The following KCNH1 variants were observed in gnomAD, a reference collection of about 807,000 sequenced individuals.
KCNH1 encodes the protein voltage-gated delayed rectifier potassium channel KCNH1.
Under a neutral mutation model 69.2 loss-of-function variants are expected in KCNH1, and 27 were observed. The observed-to-expected ratio is 0.39, with a 90% confidence interval of 0.29 to 0.54. The LOEUF is 0.54. Among genes scored for constraint, KCNH1 ranks in the 20% least tolerant of loss-of-function variants. The probability of loss-of-function intolerance (pLI) is 0.68; values close to 1 mark genes in which losing one functional copy is unlikely to be tolerated. For missense variants in KCNH1, 798 were observed against 1,261.6 expected (o/e 0.63, Z 5.57); for synonymous variants, 456 against 487.7 (o/e 0.93, Z 0.86).
chr1:211,032,176 A>T (rs1261094759), intron 5 of KCNH1, among the ~76,000 whole-genome samples: 1 of 152,220 alleles, frequency 6.6e-6, no homozygotes, highest in Non-Finnish European at 1.5e-5. Context: ...TTCAAAGAGA[A>T]TAAAATACCT....
intron 7 of KCNH1, among the ~76,000 whole-genome samples, chr1:210,827,206 G>T (rs1309698243): frequency 2.0e-5 from 3 of 152,084 alleles, no homozygotes; most frequent in South Asian, 2.1e-4. Flanking sequence ...CGTGGTGGCG[G>T]GTGCCTGTAA....
intron 7 of KCNH1, among the ~76,000 whole-genome samples, chr1:210,815,971 T>G (rs1005736174): frequency 6.6e-6 from 1 of 152,218 alleles, no homozygotes; most frequent in Non-Finnish European, 1.5e-5. Context: ...AGGCGGGACA[T>G]CTGTGCTTCT....
At chr1:211,004,279 G>T (rs1332828653) in intron 6 of KCNH1, among the ~76,000 whole-genome samples, 1 of 152,148 alleles carries the variant, frequency 6.6e-6, no homozygotes, top group Non-Finnish European at 1.5e-5. Context: ...TTACCAGATG[G>T]AAGGTAGAAG....
chr1:211,028,492 G>A (rs1558574037), intron 5 of KCNH1, among the ~76,000 whole-genome samples: 1 of 151,584 alleles, frequency 6.6e-6, no homozygotes, highest in Non-Finnish European at 1.5e-5. Flanking sequence ...GAAAACAAGA[G>A]GAAATCAGTG....
intron 6 of KCNH1, among the ~76,000 whole-genome samples, chr1:211,001,489 G>T (rs1353410559): frequency 1.3e-5 from 2 of 152,132 alleles, no homozygotes; most frequent in African/African-American, 2.4e-5. Context: ...AGTTAGAATG[G>T]CGATCATTAA....
chr1:211,090,423 G>T, intron 4 of KCNH1, 139 bp downstream of exon 4: 1 of 696,072 alleles, frequency 1.4e-6, no homozygotes, highest in Non-Finnish European at 2.3e-6. Flanking sequence ...ATAACACAGT[G>T]CTTTGCTCTA....
intron 6 of KCNH1, among the ~76,000 whole-genome samples, chr1:210,984,466 G>A (rs1363975573): frequency 6.6e-6 from 1 of 152,194 alleles, no homozygotes; most frequent in Non-Finnish European, 1.5e-5. Context: ...CTAATTTATT[G>A]AGAGATTTTA....
intron 6 of KCNH1, among the ~76,000 whole-genome samples, chr1:210,978,195 C>T (rs1688649340): frequency 6.6e-6 from 1 of 152,002 alleles, no homozygotes; most frequent in African/African-American, 2.4e-5. Flanking sequence ...CCCACCACCA[C>T]ACCTGGCTAA....
At position 210,776,785 on chromosome 1, in the gene KCNH1, G is replaced by T. The variant is rs568322941; in HGVS notation, c.1916-1241C>A. Among the ~76,000 whole-genome samples, 246 of 152,252 alleles carry T rather than the reference G, an allele frequency of 1.6e-3. 2 individuals carry two copies. The highest frequency in any genetic ancestry group is 0.01 in the Middle Eastern group (3 of 294). The stretch of plus-strand genomic sequence containing the variant: ...CTAATCCCATATAGCCATATTCTGG[G>T]TCAAAGCTTTATCAAATCGTCTCTA... On this transcript the variant is annotated intron_variant, in intron 9 of 10. Coordinates refer to ENST00000271751, the MANE Select transcript of KCNH1 (RefSeq NM_172362.3).
chr1:210,948,401 T>C (rs1687998861), intron 6 of KCNH1, among the ~76,000 whole-genome samples: 1 of 151,956 alleles, frequency 6.6e-6, no homozygotes, highest in Admixed American at 6.6e-5. Flanking sequence ...TAAGCAGAAA[T>C]GAAAAATCAT....
intron 6 of KCNH1, among the ~76,000 whole-genome samples, chr1:210,960,853 T>C (rs1040486158): frequency 3.9e-5 from 6 of 152,208 alleles, no homozygotes; most frequent in African/African-American, 1.4e-4. Context: ...GATTATTCTA[T>C]TTTATGTTCC....
intron 4 of KCNH1, among the ~76,000 whole-genome samples, chr1:211,085,463 C>A: frequency 6.8e-6 from 1 of 146,412 alleles, no homozygotes. Flanking sequence ...AACAGAACAA[C>A]AAAGTGGATA....
At chr1:210,766,365 A>C (rs2102358226) in intron 10 of KCNH1, among the ~76,000 whole-genome samples, 1 of 152,314 alleles carries the variant, frequency 6.6e-6, no homozygotes, top group Middle Eastern at 3.4e-3. Flanking sequence ...GTCTCTACTA[A>C]AAATACAAAA....
intron 7 of KCNH1, among the ~76,000 whole-genome samples, chr1:210,888,062 T>C (rs982847751): frequency 2.0e-5 from 3 of 152,182 alleles, no homozygotes; most frequent in African/African-American, 4.8e-5. Flanking sequence ...GCAGACCTAA[T>C]AGACATCTAC....
At chr1:211,114,834 T>G (rs1202490839) in intron 1 of KCNH1, among the ~76,000 whole-genome samples, 1 of 152,204 alleles carries the variant, frequency 6.6e-6, no homozygotes, top group Admixed American at 6.5e-5. Context: ...AGTAACCCAC[T>G]GCTTGGACAA....
At chr1:210,742,461 G>A (rs1260181296) in intron 10 of KCNH1, among the ~76,000 whole-genome samples, 1 of 152,170 alleles carries the variant, frequency 6.6e-6, no homozygotes, top group African/African-American at 2.4e-5. Flanking sequence ...CATATCCCCT[G>A]CTTTCCTATG....
chr1:210,774,391 G>A (rs917430553), intron 10 of KCNH1, among the ~76,000 whole-genome samples: 10 of 152,114 alleles, frequency 6.6e-5, no homozygotes, highest in African/African-American at 9.7e-5. Context: ...AGAGTTGAGC[G>A]CTTAGGCAGA....
At chr1:211,022,791 TA>T (rs903917143) in intron 5 of KCNH1, among the ~76,000 whole-genome samples, 56 of 151,936 alleles carry the variant, frequency 3.7e-4, no homozygotes, top group African/African-American at 1.3e-3. Flanking sequence ...TCATCCCAGT[TA>T]AATGGCTATT....
At chr1:210,796,457 T>C (rs992329576) in intron 9 of KCNH1, among the ~76,000 whole-genome samples, 15 of 152,252 alleles carry the variant, frequency 9.9e-5, no homozygotes, top group African/African-American at 3.6e-4. Flanking sequence ...TTTAAAGATA[T>C]ACCACCAATA....
Sources: allele counts gnomAD v4.1 joint callset (sites outside exome capture counted in the v4.1 genomes callset), GRCh38; gene constraint gnomAD v4.1.1; transcripts MANE v1.5; gene names NCBI Gene and HGNC (gene_info 2026-07-23, HGNC 2026-07-21).